The following ZNF565 variants were observed in gnomAD, a reference collection of about 807,000 sequenced individuals.
The protein encoded by ZNF565 is zinc finger protein 565.
A neutral mutation model predicts 39.4 loss-of-function variants in ZNF565; 27 were observed. The ratio of observed to expected loss-of-function variants is 0.69; its 90% CI spans 0.51 to 0.95. ZNF565 has a LOEUF of 0.95. Ranked by LOEUF, ZNF565 falls within the 40% of genes least tolerant of loss-of-function variation. The pLI is 0.00. For missense variants in ZNF565, 524 were observed against 621.1 expected (o/e 0.84, Z 1.66); for synonymous variants, 185 against 216.6 (o/e 0.85, Z 1.28).
At chr19:36,218,187 G>A (rs564887677), upstream of ZNF565, 1 of 149,516 alleles carries the variant, frequency 6.7e-6, no homozygotes, top group Non-Finnish European at 1.5e-5. Context: ...TTTACCTTGG[G>A]GACCTCAGGT....
chr19:36,241,802 A>AAAAAAT, intron 1 of ZNF565, among the ~76,000 whole-genome samples: 1 of 139,454 alleles, frequency 7.2e-6, no homozygotes, highest in Non-Finnish European at 1.6e-5. Flanking sequence ...AAAAAAAAAA[A>AAAAAAT]AGCTGGGACA....
At position 36,182,778 on chromosome 19, in the gene ZNF565, G is replaced by A. The variant is rs1242563831; in HGVS notation, c.1188C>T (p.Cys396=). The change falls in exon 5 of 5, where the codon TGC becomes TGT. Residue 396 remains cysteine (C), a synonymous_variant. Transcript: ENST00000304116. ...TGDRPYECKD[C]GKAFSRSSYL... ...ATGAGCTACGACTAAATGCCTTCCC[G>A]CAGTCCTTACATTCATAGGGTCTGT... is the stretch of plus-strand genomic sequence containing the variant. 9 of 1,613,740 alleles carry A rather than the reference G, an allele frequency of 5.6e-6. No homozygotes were observed. The South Asian group carries it at 9.9e-5, about 18-fold the overall frequency.
At chr19:36,197,524 T>C (rs1316391673) in intron 2 of ZNF565, among the ~76,000 whole-genome samples, 2 of 150,690 alleles carry the variant, frequency 1.3e-5, no homozygotes, top group Non-Finnish European at 3.0e-5. Flanking sequence ...GAGAAGGAAG[T>C]TAGAAAGGAG....
chr19:36,241,313 G>A (rs28528757), intron 1 of ZNF565, among the ~76,000 whole-genome samples: 32,767 of 151,190 alleles, frequency 0.22, 3,579 homozygotes, highest in Admixed American at 0.23. Context: ...GCAAAACCCC[G>A]CCTCTACTAA....
chr19:36,226,962 A>G (rs1031010244), intron 1 of ZNF565, among the ~76,000 whole-genome samples: 6 of 152,146 alleles, frequency 3.9e-5, no homozygotes, highest in African/African-American at 1.4e-4. Context: ...GCATGCCTAT[A>G]GTCCCAGCTG....
chr19:36,231,087 C>T (rs1977341000), intron 1 of ZNF565, among the ~76,000 whole-genome samples: 2 of 152,220 alleles, frequency 1.3e-5, no homozygotes, highest in South Asian at 2.1e-4. Flanking sequence ...GAAGGATATA[C>T]GTGACACGCG....
chr19:36,229,372 G>A (rs1977221231), intron 1 of ZNF565, among the ~76,000 whole-genome samples: 1 of 152,044 alleles, frequency 6.6e-6, no homozygotes, highest in Non-Finnish European at 1.5e-5. Context: ...TTTTCCCTCT[G>A]CTACTTTTAT....
intron 1 of ZNF565, among the ~76,000 whole-genome samples, chr19:36,213,826 C>A (rs2145372669): frequency 6.6e-6 from 1 of 151,728 alleles, no homozygotes; most frequent in East Asian, 1.9e-4. Context: ...ACACAGGACA[C>A]AATCACAGAC....
intron 1 of ZNF565, among the ~76,000 whole-genome samples, chr19:36,241,329 C>CA (rs1167582616): frequency 6.6e-6 from 1 of 151,212 alleles, no homozygotes; most frequent in Non-Finnish European, 1.5e-5. Context: ...ACTAAAAATA[C>CA]AAAAATTAGC....
chr19:36,219,861 A>G (rs188988026), intron 1 of ZNF565, among the ~76,000 whole-genome samples: 2 of 152,348 alleles, frequency 1.3e-5, no homozygotes, highest in East Asian at 3.9e-4. Context: ...CTGGAAGTAT[A>G]GTCTTAATTT....
At chr19:36,200,402 T>A (rs943561829) in intron 2 of ZNF565, among the ~76,000 whole-genome samples, 1 of 152,098 alleles carries the variant, frequency 6.6e-6, no homozygotes, top group Admixed American at 6.6e-5. Context: ...TTATGAAACA[T>A]AACTCTATTG....
intron 4 of ZNF565, among the ~76,000 whole-genome samples, chr19:36,186,263 T>C (rs1751223682): frequency 6.6e-6 from 1 of 152,134 alleles, no homozygotes; most frequent in African/African-American, 2.4e-5. Flanking sequence ...CTTCTAAAAG[T>C]ATTGGGATTA....
At chr19:36,203,054 G>T (rs982043428) in intron 1 of ZNF565, among the ~76,000 whole-genome samples, 1 of 152,110 alleles carries the variant, frequency 6.6e-6, no homozygotes, top group Middle Eastern at 3.2e-3. Flanking sequence ...AAACTAGACA[G>T]CTGGGCACGG....
chr19:36,208,087 A>AAAAG (rs1976221673), intron 1 of ZNF565, among the ~76,000 whole-genome samples: 1 of 152,210 alleles, frequency 6.6e-6, no homozygotes, highest in Non-Finnish European at 1.5e-5. Context: ...GCAATTTTTA[A>AAAAG]AAAGAGGAAG....
chr19:36,189,510 TG>T (rs1401873466), intron 4 of ZNF565, among the ~76,000 whole-genome samples: 1 of 151,176 alleles, frequency 6.6e-6, no homozygotes, highest in Non-Finnish European at 1.5e-5. Context: ...TTCATAGAGA[TG>T]GGGTTTCACC....
intron 1 of ZNF565, among the ~76,000 whole-genome samples, chr19:36,230,198 T>G (rs1977266997): frequency 1.3e-5 from 2 of 152,224 alleles, no homozygotes; most frequent in African/African-American, 4.8e-5. Context: ...ATAAATTTAA[T>G]TGAGATAAGC....
intron 1 of ZNF565, chr19:36,236,490 C>G (rs1977649445): frequency 6.2e-7 from 1 of 1,613,784 alleles, no homozygotes; most frequent in South Asian, 1.1e-5. Context: ...AACCCCTTTG[C>G]CTGTAAGGTA....
intron 1 of ZNF565, chr19:36,238,420 G>A (rs1460544786): frequency 6.0e-6 from 1 of 167,016 alleles, no homozygotes; most frequent in Non-Finnish European, 1.5e-5. Context: ...AGGTGGGATG[G>A]GTATTGGTTA....
chr19:36,196,041 A>G (rs57614488), intron 2 of ZNF565, among the ~76,000 whole-genome samples: 66,621 of 151,256 alleles, frequency 0.44, 15,130 homozygotes, highest in African/African-American at 0.55. Flanking sequence ...GGTTCAAGCA[A>G]TTCTTCTGCT....
Sources: gnomAD v4.1 joint callset for allele counts (sites outside exome capture counted in the v4.1 genomes callset) on GRCh38, gnomAD v4.1.1 for gene constraint, MANE v1.5 for transcripts, NCBI Gene and HGNC (gene_info 2026-07-23, HGNC 2026-07-21) for gene names.